The following TMEM106B variants were observed in gnomAD, a reference collection of about 807,000 sequenced individuals.
The protein encoded by TMEM106B is transmembrane protein 106B.
TMEM106B carries 15 observed loss-of-function variants against 31.1 expected under a neutral mutation model. That is an observed-to-expected ratio of 0.48 (90% confidence interval 0.32 to 0.74). The LOEUF is 0.74. Ranked by LOEUF, TMEM106B falls within the 30% of genes least tolerant of loss-of-function variation. The probability of loss-of-function intolerance (pLI) is 0.03; values close to 1 mark genes in which losing one functional copy is unlikely to be tolerated. For synonymous variants in TMEM106B, 126 were observed against 112.5 expected, an observed-to-expected ratio of 1.12 and a Z score of -0.76; for missense variants, 283 against 327.3, an observed-to-expected ratio of 0.86 and a Z score of 1.04.
Position 12,236,243 on chromosome 7 carries a change from GAAGT to G in TMEM106B, c.*4269_*4272del, listed in dbSNP as rs1264813021. The G allele has an allele frequency of 1.3e-5, 2 of 151,736 alleles. No homozygotes were observed. The highest frequency in any genetic ancestry group is 4.8e-5 in the African/African-American group (2 of 41,378). 9.4% of individuals were successfully genotyped at this position (151,736 alleles called of 1,614,324 possible). A position where few individuals can be genotyped will look rare whatever the true frequency, so the allele number is the denominator to read the frequency against. On this transcript the variant is annotated 3_prime_UTR_variant, in exon 8 of 8. Transcript: ENST00000396668. ...AATACAAATTTCACAGTGGATTTTT[GAAGT>G]TTGTCCTTAAATTGGATAAAATCAA... is the stretch of plus-strand genomic sequence containing the variant.
At chr7:12,231,377 G>T in intron 7 of TMEM106B, 3 of 355,690 alleles carry the variant, frequency 8.4e-6, no homozygotes, top group Non-Finnish European at 1.5e-5. Context: ...AGGGAACTGA[G>T]CCCCACATCC....
chr7:12,220,223 A>G (rs1313726827), intron 3 of TMEM106B, among the ~76,000 whole-genome samples: 3 of 152,198 alleles, frequency 2.0e-5, no homozygotes, highest in African/African-American at 4.8e-5. Flanking sequence ...GGAAATTAGG[A>G]TTAATCCCTT....
At position 12,237,277 on chromosome 7, in the gene TMEM106B, T is replaced by C. The variant is rs1292538771; in HGVS notation, c.*5302T>C. 1 of 152,192 alleles carries C rather than the reference T, an allele frequency of 6.6e-6. No homozygotes were observed. The highest frequency in any genetic ancestry group is 2.4e-5 in the African/African-American group (1 of 41,462). The allele number at this position is 152,192 out of a possible 1,614,324, so 9.4% of individuals were successfully genotyped here. On this transcript the variant is annotated 3_prime_UTR_variant, in exon 8 of 8. Coordinates refer to ENST00000396668, the MANE Select transcript of TMEM106B (RefSeq NM_001134232.2). ...TATCACTTATGTATTTTGGCTATGC[T>C]TTTGAAATTTCCTTAACATAAACAA...
At chr7:12,219,411 A>G (rs966736578) in intron 3 of TMEM106B, among the ~76,000 whole-genome samples, 1 of 152,218 alleles carries the variant, frequency 6.6e-6, no homozygotes, top group Non-Finnish European at 1.5e-5. Context: ...TTTTCTTGAA[A>G]GTACAAAAGC....
Position 12,230,558 on chromosome 7 carries a change from A to G in TMEM106B, c.632+120A>G, listed in dbSNP as rs1782000375. ...AGTCAAAAAGAGTACATTATGTAGTATTCTGGCTTCTGGTCCTCTCTGTTC... is the reference window on the plus strand; with the variant it reads ...AGTCAAAAAGAGTACATTATGTAGTGTTCTGGCTTCTGGTCCTCTCTGTTC... On this transcript the variant is annotated intron_variant, in intron 6 of 7. Transcript: ENST00000396668. 3 of 635,512 alleles carry G rather than the reference A, an allele frequency of 4.7e-6. No homozygotes were observed. The South Asian group carries it at 6.9e-5, about 15-fold the overall frequency. 39.4% of individuals were successfully genotyped at this position (635,512 alleles called of 1,614,324 possible).
intron 7 of TMEM106B, chr7:12,231,530 T>C (rs1481902211): frequency 3.8e-6 from 1 of 263,056 alleles, no homozygotes; most frequent in African/African-American, 2.2e-5. Flanking sequence ...ATTAACCTTT[T>C]TTTCTATGAT....
At chr7:12,229,323 A>G (rs1170300536) in intron 4 of TMEM106B, among the ~76,000 whole-genome samples, 2 of 152,172 alleles carry the variant, frequency 1.3e-5, no homozygotes, top group South Asian at 2.1e-4. Flanking sequence ...CTACTAGTGT[A>G]CAAGTTGAAA....
At position 12,243,052 on chromosome 7, in the gene TMEM106B, T is replaced by G. The variant is rs928998572; in HGVS notation, c.*11077T>G. The stretch of plus-strand genomic sequence containing the variant: ...AGAACTTCGTATAACATCATTAGAT[T>G]TTTACAGAATCTTTAAAAAAGCTTT... On this transcript the variant is annotated 3_prime_UTR_variant, in exon 8 of 8. Coordinates refer to ENST00000396668, the MANE Select transcript of TMEM106B (RefSeq NM_001134232.2). 3 of 152,068 alleles carry G rather than the reference T, an allele frequency of 2.0e-5. No individual in the cohort carries two copies. The highest frequency in any genetic ancestry group is 6.6e-5 in the Admixed American group (1 of 15,256). 9.4% of individuals were successfully genotyped at this position (152,068 alleles called of 1,614,324 possible).
intron 4 of TMEM106B, among the ~76,000 whole-genome samples, chr7:12,227,646 C>T (rs559935091): frequency 2.6e-4 from 40 of 151,972 alleles, no homozygotes; most frequent in African/African-American, 9.1e-4. Context: ...TGTGCTTAAA[C>T]TTTGTTTCCA....
rs1185688975 is a variant in TMEM106B at position 12,236,064 on chromosome 7, A to G, written c.*4089A>G. 6.6e-6 allele frequency: 1 copy of G among 151,928 alleles called. No individual in the cohort carries two copies. The highest frequency in any genetic ancestry group is 2.4e-5 in the African/African-American group (1 of 41,420). 9.4% of individuals were successfully genotyped at this position (151,928 alleles called of 1,614,324 possible). On this transcript the variant is annotated 3_prime_UTR_variant, in exon 8 of 8. Transcript: ENST00000396668. ...AAAGACTGTTAAACATTTCTTTTAA[A>G]AAATTATTTTTACATTACAACAATA... is the stretch of plus-strand genomic sequence containing the variant.
In TMEM106B at chr7:12,234,706, T is replaced by C. The variant is rs1782095070; in HGVS notation, c.*2731T>C. The C allele has an allele frequency of 1.3e-5, 2 of 151,954 alleles. No individual in the cohort carries two copies. Among genetic ancestry groups the C allele is most frequent in the African/African-American group, 2.4e-5 (1 of 41,432 alleles). The allele number at this position is 151,954 out of a possible 1,614,324, so 9.4% of individuals were successfully genotyped here. On this transcript the variant is annotated 3_prime_UTR_variant, in exon 8 of 8. Transcript: ENST00000396668. ...TTTCTGATACTTCCTGGAATAACTTTAAGTTACACCCTAGTAGACTGGTCA... is the reference window on the plus strand; with the variant it reads ...TTTCTGATACTTCCTGGAATAACTTCAAGTTACACCCTAGTAGACTGGTCA...
intron 1 of TMEM106B, chr7:12,214,153 C>G (rs1487496991): frequency 1.3e-5 from 2 of 152,194 alleles, no homozygotes; most frequent in Non-Finnish European, 2.9e-5. Context: ...AAAGCTGTCT[C>G]TCGTGGGGAA....
intron 3 of TMEM106B, 148 bp from the exon 4 acceptor site, chr7:12,224,078 A>C: frequency 2.8e-6 from 2 of 716,904 alleles, no homozygotes; most frequent in Non-Finnish European, 4.8e-6. Flanking sequence ...AACCATACCC[A>C]ATACTTTCAG....
Position 12,235,748 on chromosome 7 carries a change from T to C in TMEM106B, c.*3773T>C, listed in dbSNP as rs1250243341. 6.6e-6 allele frequency: 1 copy of C among 151,762 alleles called. No individual in the cohort carries two copies. The highest frequency in any genetic ancestry group is 1.5e-5 in the Non-Finnish European group (1 of 67,794). The allele number at this position is 151,762 out of a possible 1,614,324, so 9.4% of individuals were successfully genotyped here. ...TATTTTATTTAAGAAAATAGTTTGT[T>C]AGGTACTTTTTAAAAGATGTAAATT... On this transcript the variant is annotated 3_prime_UTR_variant, in exon 8 of 8. Transcript: ENST00000396668.
rs1782227931 is a variant in TMEM106B, at chr7:12,240,875, A to AGT, written c.*8903_*8904dup. ...ACCCCTGAACATTGGCCTAGAGGGT[A>AGT]GTGTACAGTCACTTCTTCAGTGATA... On this transcript the variant is annotated 3_prime_UTR_variant, in exon 8 of 8. Coordinates refer to ENST00000396668, the MANE Select transcript of TMEM106B (RefSeq NM_001134232.2). 2 of 152,178 alleles carry AGT rather than the reference A, an allele frequency of 1.3e-5. No homozygotes were observed. Among genetic ancestry groups the AGT allele is most frequent in the South Asian group, 2.1e-4 (1 of 4,830 alleles). The allele number at this position is 152,178 out of a possible 1,614,324, so 9.4% of individuals were successfully genotyped here.
intron 1 of TMEM106B, among the ~76,000 whole-genome samples, chr7:12,212,766 G>A (rs572597197): frequency 2.4e-4 from 36 of 152,178 alleles, no homozygotes; most frequent in African/African-American, 8.4e-4. Context: ...GCTCCTATCA[G>A]GCATGCCAGT....
In TMEM106B at chr7:12,236,333, G is replaced by A. The variant is rs1436033314; in HGVS notation, c.*4358G>A. ...TTCCATTTTTAAAAGTAATTTGGTTGTGTTTATAGTTATTTGTACAAGTAT... is the reference window on the plus strand; with the variant it reads ...TTCCATTTTTAAAAGTAATTTGGTTATGTTTATAGTTATTTGTACAAGTAT... On this transcript the variant is annotated 3_prime_UTR_variant, in exon 8 of 8. Transcript: ENST00000396668. 6.6e-6 allele frequency: 1 copy of A among 151,858 alleles called. No individual in the cohort carries two copies. The highest frequency in any genetic ancestry group is 1.5e-5 in the Non-Finnish European group (1 of 67,834). The allele number at this position is 151,858 out of a possible 1,614,324, so 9.4% of individuals were successfully genotyped here.
chr7:12,212,912 C>T (rs1354797027), intron 1 of TMEM106B, among the ~76,000 whole-genome samples: 6 of 152,198 alleles, frequency 3.9e-5, no homozygotes, highest in African/African-American at 1.4e-4. Context: ...TTTTAGGAAC[C>T]GCTAAAAGAC....
chr7:12,221,567 A>G (rs1407655316), intron 3 of TMEM106B, among the ~76,000 whole-genome samples: 1 of 152,234 alleles, frequency 6.6e-6, no homozygotes, highest in Non-Finnish European at 1.5e-5. Flanking sequence ...ATTTTCAGAC[A>G]TTGGACATCA....
Sources: gnomAD v4.1 joint callset for allele counts (sites outside exome capture counted in the v4.1 genomes callset) on GRCh38, gnomAD v4.1.1 for gene constraint, MANE v1.5 for transcripts, NCBI Gene and HGNC (gene_info 2026-07-23, HGNC 2026-07-21) for gene names.